Variants in TOPORS observed in about 807,000 individuals in gnomAD.
The protein encoded by TOPORS is TOP1 binding arginine/serine rich protein, E3 ubiquitin ligase, also known as E3 ubiquitin-protein ligase Topors.
TOPORS carries 25 observed loss-of-function variants against 81.4 expected under a neutral mutation model. The ratio of observed to expected loss-of-function variants is 0.31; its 90% CI spans 0.22 to 0.43. TOPORS has a LOEUF of 0.43. Among genes scored for constraint, TOPORS ranks in the 20% least tolerant of loss-of-function variants. TOPORS has a pLI of 1.00. For synonymous variants in TOPORS, 473 were observed against 456.6 expected (o/e 1.04, Z -0.46); for missense variants, 1,101 against 1,267.0 (o/e 0.87, Z 1.99).
chr9:32,550,733 C>T (rs1277337613), intron 2 of TOPORS, 41 bp downstream of exon 2: 1 of 1,609,534 alleles, frequency 6.2e-7, no homozygotes, highest in Admixed American at 1.7e-5. Context: ...CTCCCACGGC[C>T]CTTCCGACCC....
At chr9:32,551,186 C>T (rs1191969323) in intron 1 of TOPORS, 5 of 624,476 alleles carry the variant, frequency 8.0e-6, no homozygotes, top group Non-Finnish European at 1.4e-5. Context: ...CGACCCTCCC[C>T]ATCTTGTTAC....
At position 32,550,894 on chromosome 9, in the gene TOPORS, C is replaced by A; in HGVS notation, c.78G>T (p.Glu26Asp). Residue 26 changes from glutamate to aspartate, a missense_variant, in exon 2 of 3, where the codon GAG becomes GAT. By Grantham distance (45) the Glu-to-Asp change is conservative. This residue lies in a region of TOPORS where 131 missense variants were observed against 101.0 expected (regional missense o/e 1.30). Transcript: ENST00000360538. Reference protein sequence around the residue: ...GEAPPPAPASEGRRRSRRVRL... With the variant: ...GEAPPPAPASDGRRRSRRVRL... Reference sequence around the variant, plus strand: ...GTACCCGGCGACTTCTCCGCCTACCCTCCGAAGCGGGAGCAGGCGGGGGCG... The same window carrying A: ...GTACCCGGCGACTTCTCCGCCTACCATCCGAAGCGGGAGCAGGCGGGGGCG... 3.7e-6 allele frequency: 6 copies of A among 1,613,094 alleles called. No homozygotes were observed. Among genetic ancestry groups the A allele is most frequent in the Middle Eastern group, 3.3e-4 (2 of 6,060 alleles).
rs1370261243 is a variant in TOPORS, at chr9:32,550,993, A to C, written c.4-25T>G. ...CCTGTGACGCAAAGGGCTCATCACCAATGGCAGCTCGGAAGCAGGGCAGAG... is the reference window on the plus strand; with the variant it reads ...CCTGTGACGCAAAGGGCTCATCACCCATGGCAGCTCGGAAGCAGGGCAGAG... On this transcript the variant is annotated intron_variant, in intron 1 of 2. Transcript: ENST00000360538. The C allele has an allele frequency of 2.5e-6, 4 of 1,606,858 alleles. No homozygotes were observed. In the African/African-American group the frequency reaches 5.3e-5, roughly 21 times the overall value.
chr9:32,547,892 C>T (rs572073428), intron 2 of TOPORS, among the ~76,000 whole-genome samples: 4 of 151,664 alleles, frequency 2.6e-5, no homozygotes, highest in Non-Finnish European at 4.4e-5. Flanking sequence ...AATGCAGTGG[C>T]GCGATCGTGG....
rs1821098050 is a variant in TOPORS, at chr9:32,543,299, G to A, written c.1226C>T (p.Ala409Val). Reference sequence around the variant, plus strand: ...ATCCCATGGTGCCTGACTAACAGTGGCTACATTAATATCCAGCTCTTGGGT... The same window carrying A: ...ATCCCATGGTGCCTGACTAACAGTGACTACATTAATATCCAGCTCTTGGGT... ...AETQELDINV[A>V]TVSQAPWDDE... The change falls in exon 3 of 3, where the codon GCC (alanine) becomes GTC (valine). Residue 409 changes from alanine (A) to valine (V), a missense_variant. Around this residue, in one of 9 missense-constraint regions of TOPORS, gnomAD observed 103 missense variants for 112.1 expected, o/e 0.92. Coordinates refer to ENST00000360538, the MANE Select transcript of TOPORS (RefSeq NM_005802.5). The surrounding 1 kb of genome is among the most constrained non-coding windows in gnomAD (Gnocchi z 5.6). The A allele has an allele frequency of 6.2e-7, 1 of 1,613,920 alleles. No homozygotes were observed. Among genetic ancestry groups the A allele is most frequent in the Admixed American group, 1.7e-5 (1 of 59,994 alleles).
chr9:32,542,794 A>G lies in TOPORS; in HGVS notation c.1731T>C (p.Ser577=). 1.2e-6 allele frequency: 2 copies of G among 1,614,076 alleles called. No homozygotes were observed. The highest frequency in any genetic ancestry group is 1.7e-6 in the Non-Finnish European group (2 of 1,180,024). The change falls in exon 3 of 3, where the codon TCT becomes TCC. Residue 577 remains serine (S), a synonymous_variant. Transcript: ENST00000360538. The stretch of plus-strand genomic sequence containing the variant: ...GAGAATATACTCTGTCTCCTCTTAC[A>G]GATGAGTTCAGGTTTCTGGGAGATG... ...SLSSPRNLNS[S]VRGDRVYSPY...
intron 1 of TOPORS, 46 bp from the exon 2 acceptor site, chr9:32,551,014 C>G (rs753280470): frequency 3.8e-6 from 6 of 1,596,866 alleles, no homozygotes; most frequent in Non-Finnish European, 5.1e-6. Context: ...GGAAGCAGGG[C>G]AGAGAGCGAG....
Position 32,542,812 on chromosome 9 carries a change from G to A in TOPORS, c.1713C>T (p.Pro571=). ...CTCTTACAGATGAGTTCAGGTTTCT[G>A]GGAGATGACAATGATGTAGATCGTT... ...EEKRSTSLSS[P]RNLNSSVRGD... Residue 571 remains proline, a synonymous_variant, in exon 3 of 3, where the codon CCC becomes CCT. Transcript: ENST00000360538. 6.2e-7 allele frequency: 1 copy of A among 1,614,000 alleles called. No homozygotes were observed. The highest frequency in any genetic ancestry group is 2.2e-5 in the East Asian group (1 of 44,870).
rs79708790 is a variant in TOPORS at position 32,542,795 on chromosome 9, G to T, written c.1730C>A (p.Ser577Tyr). Residue 577 changes from serine (S) to tyrosine (Y), a missense_variant, in exon 3 of 3, where the codon TCT (serine) becomes TAT (tyrosine). By Grantham distance (144) the Ser-to-Tyr change is moderately radical. Transcript: ENST00000360538. ...AGAATATACTCTGTCTCCTCTTACAGATGAGTTCAGGTTTCTGGGAGATGA... is the reference window on the plus strand; with the variant it reads ...AGAATATACTCTGTCTCCTCTTACATATGAGTTCAGGTTTCTGGGAGATGA... ...SLSSPRNLNS[S>Y]VRGDRVYSPY... The T allele has an allele frequency of 1.9e-3, 3,113 of 1,614,006 alleles. 5 individuals are homozygous for T. Among genetic ancestry groups the T allele is most frequent in the Middle Eastern group, 4.3e-3 (26 of 6,062 alleles).
At position 32,541,537 on chromosome 9, in the gene TOPORS, G is replaced by C; in HGVS notation, c.2988C>G (p.Leu996=). Residue 996 remains leucine, a synonymous_variant, in exon 3 of 3, where the codon CTC becomes CTG. Coordinates refer to ENST00000360538, the MANE Select transcript of TOPORS (RefSeq NM_005802.5). ...CAAAGGTGCTCTCTTCTCTTACATC[G>C]AGAGTTTGTTCAACTGAAGCTGCCA... The part of the protein sequence containing the change: ...PPLAASVEQT[L]DVREESTFVS... 3.1e-6 allele frequency: 5 copies of C among 1,614,128 alleles called. No homozygotes were observed. Among genetic ancestry groups the C allele is most frequent in the Non-Finnish European group, 2.5e-6 (3 of 1,180,000 alleles).
intron 2 of TOPORS, among the ~76,000 whole-genome samples, chr9:32,547,992 G>A (rs1291842857): frequency 4.3e-5 from 6 of 140,406 alleles, no homozygotes; most frequent in Admixed American, 2.1e-4. Flanking sequence ...CCGCCACCAC[G>A]CTCGGCATTT....
chr9:32,550,890 T>C lies in TOPORS; in HGVS notation c.82A>G (p.Arg28Gly). The change falls in exon 2 of 3, where the codon AGG (arginine) becomes GGG (glycine). Residue 28 changes from arginine to glycine, a missense_variant. By Grantham distance (125) the Arg-to-Gly change is moderately radical. Coordinates refer to ENST00000360538, the MANE Select transcript of TOPORS (RefSeq NM_005802.5). ...APPPAPASEG[R>G]RRSRRVRLRG... is the part of the protein sequence containing the mutation. Reference sequence around the variant, plus strand: ...AGGCGTACCCGGCGACTTCTCCGCCTACCCTCCGAAGCGGGAGCAGGCGGG... The same window carrying C: ...AGGCGTACCCGGCGACTTCTCCGCCCACCCTCCGAAGCGGGAGCAGGCGGG... 3.1e-6 allele frequency: 5 copies of C among 1,613,008 alleles called. No individual in the cohort carries two copies. Among genetic ancestry groups the C allele is most frequent in the Middle Eastern group, 3.3e-4 (2 of 6,062 alleles).
chr9:32,544,015 A>C lies in TOPORS; in HGVS notation c.510T>G (p.Ser170=), dbSNP rs769631149. The C allele has an allele frequency of 6.2e-7, 1 of 1,614,216 alleles. No homozygotes were observed. The highest frequency in any genetic ancestry group is 1.1e-5 in the South Asian group (1 of 91,088). The change falls in exon 3 of 3, where the codon TCT becomes TCG. Residue 170 remains serine, a synonymous_variant. Transcript: ENST00000360538. ...EYVLRPSYNG[S]FVTPDRRFRY... is the part of the protein sequence containing the mutation. ...GAAATCGTCGATCAGGGGTGACAAAAGAACCATTATACGAAGGCCTTAGGA... is the reference window on the plus strand; with the variant it reads ...GAAATCGTCGATCAGGGGTGACAAACGAACCATTATACGAAGGCCTTAGGA...
Position 32,541,247 on chromosome 9 carries a change from C to CA in TOPORS, c.*139dup, listed in dbSNP as rs140010425. On this transcript the variant is annotated 3_prime_UTR_variant, in exon 3 of 3. Transcript: ENST00000360538. ...AATAATGATTTTTACAAATTAACACCAAAAAAAAAATCATTTAAAATATTG... is the reference window on the plus strand; with the variant it reads ...AATAATGATTTTTACAAATTAACACCAAAAAAAAAAATCATTTAAAATATTG... 0.14 allele frequency: 103,996 copies of CA among 768,070 alleles called. 3,004 individuals carry two copies. Among genetic ancestry groups the CA allele is most frequent in the Middle Eastern group, 0.22 (555 of 2,500 alleles). The allele number at this position is 768,070 out of a possible 1,614,324, so 47.6% of individuals were successfully genotyped here. A position where few individuals can be genotyped will look rare whatever the true frequency, so the allele number is the denominator to read the frequency against.
At position 32,542,474 on chromosome 9, in the gene TOPORS, C is replaced by T. The variant is rs1223142643; in HGVS notation, c.2051G>A (p.Ser684Asn). The T allele has an allele frequency of 1.9e-6, 3 of 1,613,758 alleles. No homozygotes were observed. Among genetic ancestry groups the T allele is most frequent in the South Asian group, 2.2e-5 (2 of 91,084 alleles). Residue 684 changes from serine to asparagine, a missense_variant, in exon 3 of 3, where the codon AGC becomes AAC. Physicochemically the swap from Ser to Asn is conservative, Grantham distance 46 (BLOSUM62 1). Coordinates refer to ENST00000360538, the MANE Select transcript of TOPORS (RefSeq NM_005802.5). ...TAAATAATAACGATCTCTATTTCTG[C>T]TCCGTGATCTTCTTTTACCATGATC... is the stretch of plus-strand genomic sequence containing the variant. The part of the protein sequence containing the change: ...SSDHGKRRSR[S>N]RNRDRYYLRN...
chr9:32,551,198 G>A (rs1821249531), intron 1 of TOPORS: 1 of 614,472 alleles, frequency 1.6e-6, no homozygotes, highest in South Asian at 1.9e-5. Context: ...TCTTGTTACT[G>A]GTACTCAGCC....
In TOPORS at chr9:32,552,496, G is replaced by C; in HGVS notation, c.-60C>G. ...TATTCAGTGGTAAGTCCCGGGGATC[G>C]CGGGCCCCCACCGTGTCGACTCACT... is the stretch of plus-strand genomic sequence containing the variant. On this transcript the variant is annotated 5_prime_UTR_variant, in exon 1 of 3. Transcript: ENST00000360538. 1 of 1,576,538 alleles carries C rather than the reference G, an allele frequency of 6.3e-7. No individual in the cohort carries two copies. Among genetic ancestry groups the C allele is most frequent in the Non-Finnish European group, 8.6e-7 (1 of 1,161,124 alleles).
At position 32,544,147 on chromosome 9, in the gene TOPORS, G is replaced by A; in HGVS notation, c.378C>T (p.Arg126=). ...LDRCLHKFCF[R]CVQEWSKNKA... The stretch of plus-strand genomic sequence containing the variant: ...TGTTTTTTGACCACTCCTGTACACA[G>A]CGAAAACAGAACTTATGTAAGCAGC... The change falls in exon 3 of 3, where the codon CGC becomes CGT. Residue 126 remains arginine, a synonymous_variant. Transcript: ENST00000360538. 1 of 1,614,032 alleles carries A rather than the reference G, an allele frequency of 6.2e-7. No homozygotes were observed. Among genetic ancestry groups the A allele is most frequent in the Non-Finnish European group, 8.5e-7 (1 of 1,180,024 alleles).
chr9:32,546,226 C>A (rs1291593656), intron 2 of TOPORS, among the ~76,000 whole-genome samples: 9 of 152,148 alleles, frequency 5.9e-5, no homozygotes, highest in Admixed American at 5.9e-4. Context: ...CAGTCTAAAA[C>A]CCTAATACTG....
Sources: gnomAD v4.1 joint callset for allele counts (sites outside exome capture counted in the v4.1 genomes callset) on GRCh38, gnomAD v4.1.1 for gene constraint, gnomAD v4.1.1 regional missense constraint, Gnocchi (gnomAD v3.1) non-coding constraint, MANE v1.5 for transcripts, NCBI Gene and HGNC (gene_info 2026-07-23, HGNC 2026-07-21) for gene names.